RAMP1: variants seen among roughly 807,000 people sequenced by gnomAD.
The protein encoded by RAMP1 is receptor activity-modifying protein 1.
RAMP1 carries 7 observed loss-of-function variants against 8.2 expected under a neutral mutation model. The ratio of observed to expected loss-of-function variants is 0.85; its 90% CI spans 0.49 to 1.60. The LOEUF (loss-of-function observed/expected upper bound fraction) is 1.60. Ranked by LOEUF, RAMP1 falls within the 40% of genes most tolerant of loss-of-function variation. The pLI, the probability that RAMP1 is intolerant of heterozygous loss-of-function variation, is 0.00. For synonymous variants in RAMP1, 92 were observed against 84.7 expected, an observed-to-expected ratio of 1.09 and a Z score of -0.47; for missense variants, 192 against 202.4, an observed-to-expected ratio of 0.95 and a Z score of 0.31.
intron 1 of RAMP1, among the ~76,000 whole-genome samples, chr2:237,873,194 C>T (rs1310913802): frequency 6.6e-6 from 1 of 152,206 alleles, no homozygotes; most frequent in East Asian, 1.9e-4. Flanking sequence ...GTTTAGCCAC[C>T]ACTCCAGCTG....
intron 2 of RAMP1, among the ~76,000 whole-genome samples, chr2:237,879,850 C>T (rs560528501): frequency 6.0e-5 from 9 of 150,906 alleles, no homozygotes; most frequent in East Asian, 6.0e-4. Context: ...ATTAGCCGGG[C>T]GTGGTAGCAC....
chr2:237,895,457 G>A (rs948732778), intron 2 of RAMP1, among the ~76,000 whole-genome samples: 6 of 152,168 alleles, frequency 3.9e-5, no homozygotes, highest in Admixed American at 2.0e-4. Flanking sequence ...ACGTTGGGAT[G>A]TTTCCTGGCC....
At chr2:237,884,036 C>T (rs1191780524) in intron 2 of RAMP1, among the ~76,000 whole-genome samples, 2 of 151,512 alleles carry the variant, frequency 1.3e-5, no homozygotes, top group East Asian at 3.9e-4. Context: ...AGCCCTTGCC[C>T]TGACCGTGAC....
At chr2:237,866,500 G>C (rs193122741) in intron 1 of RAMP1, among the ~76,000 whole-genome samples, 3 of 152,208 alleles carry the variant, frequency 2.0e-5, no homozygotes, top group African/African-American at 7.2e-5. Context: ...CTGCTGAGTA[G>C]GGGAGTGACA....
At chr2:237,902,780 G>A (rs559898774) in intron 2 of RAMP1, among the ~76,000 whole-genome samples, 9 of 152,334 alleles carry the variant, frequency 5.9e-5, no homozygotes, top group Admixed American at 2.0e-4. Flanking sequence ...ATGCAGTGAC[G>A]CCAACATCTA....
At position 237,877,208 on chromosome 2, in the gene RAMP1, G is replaced by T; in HGVS notation, c.53-16G>T. The T allele has an allele frequency of 1.2e-6, 2 of 1,613,542 alleles. No homozygotes were observed. Among genetic ancestry groups the T allele is most frequent in the Non-Finnish European group, 1.7e-6 (2 of 1,179,984 alleles). On this transcript the variant is annotated splice_polypyrimidine_tract_variant and intron_variant, in intron 1 of 2. Transcript: ENST00000254661. This position sits in a 1 kb window ranked among gnomAD's most constrained non-coding sequence, Gnocchi z 4.4. ...TGCTGCCGCCCGCCATCTCTTCATGGCCGTGTCTATTTCAGCCCATCACCT... is the reference window on the plus strand; with the variant it reads ...TGCTGCCGCCCGCCATCTCTTCATGTCCGTGTCTATTTCAGCCCATCACCT...
At chr2:237,867,906 A>G (rs995795965) in intron 1 of RAMP1, among the ~76,000 whole-genome samples, 2 of 152,222 alleles carry the variant, frequency 1.3e-5, no homozygotes, top group Non-Finnish European at 2.9e-5. Flanking sequence ...GATGATGGAA[A>G]TAAGCAGTTC....
chr2:237,874,940 C>T (rs2062285445), intron 1 of RAMP1, among the ~76,000 whole-genome samples: 1 of 152,046 alleles, frequency 6.6e-6, no homozygotes, highest in Non-Finnish European at 1.5e-5. Context: ...GAGGACAGGG[C>T]AGCGGAGGAG....
chr2:237,864,837 G>A (rs561424746), intron 1 of RAMP1, among the ~76,000 whole-genome samples: 47 of 152,296 alleles, frequency 3.1e-4, no homozygotes, highest in African/African-American at 1.1e-3. Flanking sequence ...GAGGAGCAGC[G>A]GCAGCACAGT....
chr2:237,873,463 GC>G (rs1391178654), intron 1 of RAMP1, among the ~76,000 whole-genome samples: 1 of 152,182 alleles, frequency 6.6e-6, no homozygotes, highest in Non-Finnish European at 1.5e-5. Flanking sequence ...TGCTTGAGGG[GC>G]CCTCCACCTT....
At chr2:237,866,710 G>A (rs999181526) in intron 1 of RAMP1, among the ~76,000 whole-genome samples, 22 of 151,678 alleles carry the variant, frequency 1.5e-4, no homozygotes, top group Admixed American at 9.9e-4. Flanking sequence ...TATGTTACAT[G>A]TATGTATACT....
In RAMP1 at chr2:237,912,016, C is replaced by T. The variant is rs1057192486; in HGVS notation, c.*233C>T. The T allele has an allele frequency of 1.5e-5, 10 of 650,582 alleles. No homozygotes were observed. Among genetic ancestry groups the T allele is most frequent in the Non-Finnish European group, 2.3e-5 (9 of 388,950 alleles). 40.3% of individuals were successfully genotyped at this position (650,582 alleles called of 1,614,324 possible). A position where few individuals can be genotyped will look rare whatever the true frequency, so the allele number is the denominator to read the frequency against. ...GAAGGGGGCAGGGACGTGACCTTGA[C>T]TTACCTCTGGAAAGGGTCCCAGCCT... On this transcript the variant is annotated 3_prime_UTR_variant, in exon 3 of 3. Coordinates refer to ENST00000254661, the MANE Select transcript of RAMP1 (RefSeq NM_005855.4).
intron 2 of RAMP1, among the ~76,000 whole-genome samples, chr2:237,903,150 T>C (rs1289182107): frequency 6.6e-6 from 1 of 152,150 alleles, no homozygotes; most frequent in Non-Finnish European, 1.5e-5. Context: ...TGAGAGCTGT[T>C]CTTCTGCCCA....
intron 1 of RAMP1, among the ~76,000 whole-genome samples, chr2:237,867,126 T>A (rs1252963849): frequency 6.6e-6 from 1 of 152,154 alleles, no homozygotes; most frequent in Non-Finnish European, 1.5e-5. Flanking sequence ...TCCTTGCATT[T>A]TGGGAGGCCA....
Position 237,877,369 on chromosome 2 carries a change from C to A in RAMP1, c.191+7C>A. On this transcript the variant is annotated splice_region_variant and intron_variant, in intron 2 of 2. Transcript: ENST00000254661. The surrounding 1 kb of genome is among the most constrained non-coding windows in gnomAD (Gnocchi z 4.4). Reference sequence around the variant, plus strand: ...ACTGGGGCAGGACCATCAGGTGAGTCCCATGGCCCCTGGTGGGCAGGACAC... The same window carrying A: ...ACTGGGGCAGGACCATCAGGTGAGTACCATGGCCCCTGGTGGGCAGGACAC... 2 of 1,609,290 alleles carry A rather than the reference C, an allele frequency of 1.2e-6. No individual in the cohort carries two copies. Among genetic ancestry groups the A allele is most frequent in the Non-Finnish European group, 1.7e-6 (2 of 1,177,628 alleles).
At chr2:237,859,008 T>C (rs2062105164), upstream of RAMP1, 2 of 152,858 alleles carry the variant, frequency 1.3e-5, no homozygotes, top group Admixed American at 6.5e-5. Flanking sequence ...TCCCAGGCCA[T>C]CTCAATCCCC....
intron 2 of RAMP1, among the ~76,000 whole-genome samples, chr2:237,904,004 G>T (rs116377765): frequency 6.6e-6 from 1 of 152,214 alleles, no homozygotes; most frequent in South Asian, 2.1e-4. Flanking sequence ...CTCCCCCAGC[G>T]TTGGGTTTAC....
intron 1 of RAMP1, among the ~76,000 whole-genome samples, chr2:237,868,482 A>G (rs1309614274): frequency 1.3e-5 from 2 of 149,634 alleles, no homozygotes; most frequent in Middle Eastern, 3.4e-3. Flanking sequence ...TTTTAGTGCA[A>G]TTTTGTGAAT....
intron 2 of RAMP1, among the ~76,000 whole-genome samples, chr2:237,894,332 T>C (rs1378444552): frequency 2.0e-5 from 3 of 152,348 alleles, no homozygotes; most frequent in African/African-American, 7.2e-5. Flanking sequence ...GAATTAAAGT[T>C]TCCTTTATCC....
Sources: allele counts gnomAD v4.1 joint callset (sites outside exome capture counted in the v4.1 genomes callset), GRCh38; gene constraint gnomAD v4.1.1; non-coding constraint Gnocchi (gnomAD v3.1); transcripts MANE v1.5; gene names NCBI Gene and HGNC (gene_info 2026-07-23, HGNC 2026-07-21).